Variants in MARCHF1 observed in about 807,000 individuals in gnomAD.
MARCHF1 encodes E3 ubiquitin-protein ligase MARCHF1.
MARCHF1 carries 40 observed loss-of-function variants against 54.2 expected under a neutral mutation model. The ratio of observed to expected loss-of-function variants is 0.74; its 90% CI spans 0.57 to 0.96. The LOEUF (loss-of-function observed/expected upper bound fraction) is 0.96, where lower values mean the gene tolerates loss of function less well. MARCHF1 is among the 40% of genes least tolerant of loss of function. MARCHF1 has a pLI of 0.00. For synonymous variants in MARCHF1, 236 were observed against 236.3 expected (o/e 1.00, Z 0.01); for missense variants, 586 against 656.5 (o/e 0.89, Z 1.17).
intron 8 of MARCHF1, among the ~76,000 whole-genome samples, chr4:163,564,588 G>A (rs996499445): frequency 6.6e-6 from 1 of 152,164 alleles, no homozygotes; most frequent in African/African-American, 2.4e-5. Flanking sequence ...AGAAAAAAGA[G>A]TCTTGTAAAT....
chr4:164,202,070 A>G (rs979445553), intron 1 of MARCHF1, among the ~76,000 whole-genome samples: 3 of 152,222 alleles, frequency 2.0e-5, no homozygotes, highest in African/African-American at 7.2e-5. Flanking sequence ...GGAACTTGCA[A>G]CTGATAGGGA....
chr4:163,957,701 CA>C (rs1253277200), intron 3 of MARCHF1, among the ~76,000 whole-genome samples: 1 of 151,792 alleles, frequency 6.6e-6, no homozygotes, highest in Non-Finnish European at 1.5e-5. Context: ...TTTCTCACGC[CA>C]AAAAAATTTA....
At chr4:164,298,343 G>A (rs951228520) in intron 1 of MARCHF1, among the ~76,000 whole-genome samples, 3 of 151,806 alleles carry the variant, frequency 2.0e-5, no homozygotes, top group African/African-American at 7.3e-5. Flanking sequence ...TTAACCTTAA[G>A]TAGCACTTCT....
At chr4:163,534,770 G>A (rs2110877616) in intron 9 of MARCHF1, among the ~76,000 whole-genome samples, 1 of 151,736 alleles carries the variant, frequency 6.6e-6, no homozygotes, top group Admixed American at 6.6e-5. Context: ...TTAAGGATAG[G>A]AATTTTAAAA....
intron 2 of MARCHF1, among the ~76,000 whole-genome samples, chr4:164,101,491 C>T (rs1437056972): frequency 7.9e-6 from 1 of 126,042 alleles, no homozygotes; most frequent in East Asian, 2.0e-4. Flanking sequence ...AGGCACCCCC[C>T]AGCAGGGGCA....
chr4:163,854,284 A>T lies in MARCHF1; in HGVS notation c.-38-115T>A, dbSNP rs181738465. 1.1e-4 allele frequency: 88 copies of T among 778,788 alleles called. No individual in the cohort carries two copies. In the Middle Eastern group the frequency reaches 1.2e-3, roughly 10 times the overall value. 48.2% of individuals were successfully genotyped at this position (778,788 alleles called of 1,614,324 possible). ...ACAAAACACTAATTGAGACTTTTTT[A>T]AAAAAACCAGGGGTTACAAGGAGGA... On this transcript the variant is annotated intron_variant, in intron 3 of 9. Coordinates refer to ENST00000514618, the MANE Select transcript of MARCHF1 (RefSeq NM_001394959.1).
intron 5 of MARCHF1, among the ~76,000 whole-genome samples, chr4:163,649,215 C>A (rs1440034852): frequency 6.6e-6 from 1 of 151,862 alleles, no homozygotes; most frequent in Admixed American, 6.6e-5. Flanking sequence ...TGAATAGATT[C>A]TCTGCACTGA....
chr4:164,091,410 T>TTATTTA (rs1755297551), intron 2 of MARCHF1, among the ~76,000 whole-genome samples: 1 of 136,944 alleles, frequency 7.3e-6, no homozygotes, highest in Non-Finnish European at 1.6e-5. Flanking sequence ...TCACCAAGTT[T>TTATTTA]TATATATATA....
At chr4:163,869,567 C>T (rs924917674) in intron 3 of MARCHF1, among the ~76,000 whole-genome samples, 4 of 152,012 alleles carry the variant, frequency 2.6e-5, no homozygotes, top group Non-Finnish European at 5.9e-5. Context: ...TATGTTGCTA[C>T]TGTTGAAAAT....
At chr4:164,241,410 C>T (rs896113427) in intron 1 of MARCHF1, among the ~76,000 whole-genome samples, 2 of 152,264 alleles carry the variant, frequency 1.3e-5, no homozygotes, top group Middle Eastern at 3.4e-3. Flanking sequence ...ACTCAGCACA[C>T]ATAATTGTCC....
chr4:163,700,946 C>G, intron 4 of MARCHF1, 83 bp from the exon 5 acceptor site: 1 of 919,206 alleles, frequency 1.1e-6, no homozygotes, highest in Admixed American at 2.2e-5. Flanking sequence ...GAAACCACAG[C>G]ACAAGGAAAT....
At chr4:163,718,702 G>GT (rs1312856417) in intron 4 of MARCHF1, among the ~76,000 whole-genome samples, 1 of 151,852 alleles carries the variant, frequency 6.6e-6, no homozygotes, top group Non-Finnish European at 1.5e-5. Context: ...CTTATACTTT[G>GT]TTTTTTCCAA....
At position 163,748,012 on chromosome 4, in the gene MARCHF1, G is replaced by A. The variant is rs891347672; in HGVS notation, c.112-47149C>T. Among the ~76,000 whole-genome samples the A allele has an allele frequency of 3.9e-5, 6 of 152,186 alleles. No homozygotes were observed. In the East Asian group the frequency reaches 9.6e-4, roughly 24 times the overall value. ...AAACCTGGAGCCCACACAACCTGTAGGTAATTAACATTTATTGTTCCCCTT... is the reference window on the plus strand; with the variant it reads ...AAACCTGGAGCCCACACAACCTGTAAGTAATTAACATTTATTGTTCCCCTT... On this transcript the variant is annotated intron_variant, in intron 4 of 9. Coordinates refer to ENST00000514618, the MANE Select transcript of MARCHF1 (RefSeq NM_001394959.1).
chr4:163,787,610 T>G (rs1233364340), intron 4 of MARCHF1, among the ~76,000 whole-genome samples: 1 of 151,918 alleles, frequency 6.6e-6, no homozygotes, highest in African/African-American at 2.4e-5. Flanking sequence ...CTGACACCCT[T>G]GTACACTTTT....
At position 163,988,637 on chromosome 4, in the gene MARCHF1, G is replaced by T. The variant is rs1035553499; in HGVS notation, c.-175C>A. Reference sequence around the variant, plus strand: ...GCAGGTGGCCAATCCCTGATTGGATGCCTTATCTCTTCACTCGCCCTGAGT... The same window carrying T: ...GCAGGTGGCCAATCCCTGATTGGATTCCTTATCTCTTCACTCGCCCTGAGT... On this transcript the variant is annotated 5_prime_UTR_variant, in exon 3 of 10. Transcript: ENST00000514618. The T allele has an allele frequency of 2.0e-5, 3 of 152,330 alleles. No individual in the cohort carries two copies. The highest frequency in any genetic ancestry group is 7.2e-5 in the African/African-American group (3 of 41,568). The allele number at this position is 152,330 out of a possible 1,614,324, so 9.4% of individuals were successfully genotyped here.
intron 1 of MARCHF1, among the ~76,000 whole-genome samples, chr4:164,170,705 G>C (rs1730502561): frequency 6.6e-6 from 1 of 152,044 alleles, no homozygotes; most frequent in African/African-American, 2.4e-5. Context: ...GTAGGGAAGG[G>C]CAGAGTCATT....
chr4:163,661,552 G>C (rs1743343628), intron 5 of MARCHF1, among the ~76,000 whole-genome samples: 1 of 151,880 alleles, frequency 6.6e-6, no homozygotes, highest in Non-Finnish European at 1.5e-5. Flanking sequence ...AAAAAATACA[G>C]ATGTCAGTAT....
chr4:164,181,992 C>T (rs988058330), intron 1 of MARCHF1, among the ~76,000 whole-genome samples: 1 of 152,088 alleles, frequency 6.6e-6, no homozygotes, highest in Non-Finnish European at 1.5e-5. Context: ...CTATAATAGA[C>T]AATTCATGCT....
chr4:163,733,227 G>C (rs58269939), intron 4 of MARCHF1, among the ~76,000 whole-genome samples: 1 of 13,832 alleles, frequency 7.2e-5, no homozygotes, highest in East Asian at 1.1e-3. Flanking sequence ...ATATACACGT[G>C]TATATATATA....
Sources: gnomAD v4.1 joint callset for allele counts (sites outside exome capture counted in the v4.1 genomes callset) on GRCh38, gnomAD v4.1.1 for gene constraint, MANE v1.5 for transcripts, NCBI Gene and HGNC (gene_info 2026-07-23, HGNC 2026-07-21) for gene names.